The following PTPRK variants were observed in gnomAD, a reference collection of about 807,000 sequenced individuals.
The protein encoded by PTPRK is receptor-type tyrosine-protein phosphatase kappa.
PTPRK carries 75 observed loss-of-function variants against 178.0 expected under a neutral mutation model. The ratio of observed to expected loss-of-function variants is 0.42; its 90% confidence interval spans 0.35 to 0.51. PTPRK has a LOEUF of 0.51. Ranked by LOEUF, PTPRK falls within the 20% of genes least tolerant of loss-of-function variation. PTPRK has a pLI of 0.02. For missense variants in PTPRK, 1,441 were observed against 1,797.8 expected (o/e 0.80, Z 3.59); for synonymous variants, 637 against 620.6 (o/e 1.03, Z -0.39).
At chr6:128,386,222 G>T (rs1314832533) in intron 2 of PTPRK, among the ~76,000 whole-genome samples, 2 of 151,984 alleles carry the variant, frequency 1.3e-5, no homozygotes, top group African/African-American at 4.8e-5. Flanking sequence ...CTAAGAATCG[G>T]CCTTTTCTTT....
chr6:128,201,158 T>A (rs1188912371), intron 6 of PTPRK, among the ~76,000 whole-genome samples: 3 of 152,164 alleles, frequency 2.0e-5, no homozygotes, highest in Non-Finnish European at 2.9e-5. Flanking sequence ...AGGAAAGTGC[T>A]GAAACTCAAA....
intron 15 of PTPRK, chr6:128,003,364 C>A: frequency 7.9e-6 from 7 of 891,302 alleles, no homozygotes; most frequent in Non-Finnish European, 1.2e-5. Flanking sequence ...CTGTATTCTG[C>A]AAATGTAAAA....
intron 6 of PTPRK, among the ~76,000 whole-genome samples, chr6:128,192,216 G>C (rs1293462291): frequency 1.3e-5 from 2 of 152,086 alleles, no homozygotes; most frequent in African/African-American, 4.8e-5. Flanking sequence ...AAGTTATAAA[G>C]ATTATTAGTT....
At chr6:128,226,253 T>C (rs1335910256) in intron 5 of PTPRK, among the ~76,000 whole-genome samples, 1 of 152,226 alleles carries the variant, frequency 6.6e-6, no homozygotes, top group East Asian at 1.9e-4. Context: ...ATGATGAGAA[T>C]ACTCTGTGAG....
chr6:128,333,813 C>T lies in PTPRK; in HGVS notation c.224-11503G>A, dbSNP rs182065731. ...TCCTTTGCATTCGAAACTTGGCTAA[C>T]AGGAACAAGAGGCCCAGCTATTGGC... On this transcript the variant is annotated intron_variant, in intron 2 of 29. Coordinates refer to ENST00000368226, the MANE Select transcript of PTPRK (RefSeq NM_002844.4). Among the ~76,000 whole-genome samples, 4 of 152,292 alleles carry T rather than the reference C, an allele frequency of 2.6e-5. No individual in the cohort carries two copies. In the East Asian group the frequency reaches 7.7e-4, roughly 29 times the overall value.
intron 2 of PTPRK, among the ~76,000 whole-genome samples, chr6:128,388,569 C>T (rs1041436898): frequency 3.9e-5 from 6 of 152,148 alleles, no homozygotes; most frequent in Non-Finnish European, 8.8e-5. Flanking sequence ...GCTGCAGTCT[C>T]TAAAGAAAGA....
At chr6:128,084,108 T>C (rs1051716931) in intron 8 of PTPRK, among the ~76,000 whole-genome samples, 8 of 152,122 alleles carry the variant, frequency 5.3e-5, no homozygotes, top group Non-Finnish European at 1.0e-4. Context: ...ATAAATTATG[T>C]AGTCTAGTTT....
At chr6:127,993,700 TG>T (rs1455553973) in intron 18 of PTPRK, among the ~76,000 whole-genome samples, 1 of 151,710 alleles carries the variant, frequency 6.6e-6, no homozygotes, top group African/African-American at 2.4e-5. Context: ...CAATGTTTTA[TG>T]GAAAAATTTT....
chr6:128,263,510 A>T (rs1054816113), intron 3 of PTPRK, among the ~76,000 whole-genome samples: 5 of 152,208 alleles, frequency 3.3e-5, no homozygotes, highest in Admixed American at 2.0e-4. Flanking sequence ...GTAGCACACC[A>T]TTATACGGTA....
intron 3 of PTPRK, among the ~76,000 whole-genome samples, chr6:128,270,621 C>T (rs918542592): frequency 2.6e-5 from 4 of 152,090 alleles, no homozygotes; most frequent in Non-Finnish European, 4.4e-5. Context: ...TTTCCATATA[C>T]AATACAGATA....
chr6:128,153,380 A>G (rs1797545715), intron 7 of PTPRK, among the ~76,000 whole-genome samples: 1 of 151,978 alleles, frequency 6.6e-6, no homozygotes, highest in Non-Finnish European at 1.5e-5. Context: ...ATTAATGCAT[A>G]GTATAAGAAA....
At chr6:128,488,907 A>T (rs1853363090) in intron 1 of PTPRK, among the ~76,000 whole-genome samples, 1 of 152,072 alleles carries the variant, frequency 6.6e-6, no homozygotes, top group Admixed American at 6.5e-5. Flanking sequence ...TAAAAGTAGG[A>T]TAAGTTTACT....
chr6:128,424,241 T>C (rs995775651), intron 1 of PTPRK, among the ~76,000 whole-genome samples: 2 of 151,912 alleles, frequency 1.3e-5, no homozygotes, highest in Non-Finnish European at 2.9e-5. Context: ...TCTTAAAACA[T>C]TAATAAATAA....
intron 1 of PTPRK, among the ~76,000 whole-genome samples, chr6:128,492,296 T>C (rs1181384315): frequency 6.6e-6 from 1 of 152,146 alleles, no homozygotes; most frequent in Non-Finnish European, 1.5e-5. Flanking sequence ...ATTCCATCCA[T>C]CCACCCCCAA....
intron 1 of PTPRK, among the ~76,000 whole-genome samples, chr6:128,421,078 T>G (rs1042975506): frequency 6.6e-6 from 1 of 152,236 alleles, no homozygotes; most frequent in East Asian, 1.9e-4. Flanking sequence ...CTTTTCCATA[T>G]TGTTGTTTAA....
At chr6:128,180,979 C>T (rs920031042) in intron 7 of PTPRK, among the ~76,000 whole-genome samples, 7 of 152,002 alleles carry the variant, frequency 4.6e-5, no homozygotes, top group Non-Finnish European at 1.0e-4. Flanking sequence ...GGACAAGTTA[C>T]TGTTTTGTTT....
At chr6:128,476,174 T>C (rs1163051567) in intron 1 of PTPRK, among the ~76,000 whole-genome samples, 1 of 152,054 alleles carries the variant, frequency 6.6e-6, no homozygotes, top group Non-Finnish European at 1.5e-5. Context: ...TACAGCACTT[T>C]TCCCCTCATA....
intron 6 of PTPRK, among the ~76,000 whole-genome samples, chr6:128,206,081 T>C (rs1270773492): frequency 6.6e-6 from 1 of 152,008 alleles, no homozygotes; most frequent in Non-Finnish European, 1.5e-5. Context: ...TAGTTACATA[T>C]GGCACTATAA....
chr6:128,008,436 T>C (rs76562154), intron 14 of PTPRK, among the ~76,000 whole-genome samples: 2,121 of 151,056 alleles, frequency 0.014, 63 homozygotes, highest in African/African-American at 0.049. Flanking sequence ...TACAGATTTA[T>C]GGCATTTTAT....
Sources: gnomAD v4.1 joint callset for allele counts (sites outside exome capture counted in the v4.1 genomes callset) on GRCh38, gnomAD v4.1.1 for gene constraint, MANE v1.5 for transcripts, NCBI Gene and HGNC (gene_info 2026-07-23, HGNC 2026-07-21) for gene names.